Variants in ADAMTSL4 observed in about 807,000 individuals in gnomAD.
The protein encoded by ADAMTSL4 is ADAMTS like 4, also known as ADAMTS-like protein 4.
A neutral mutation model predicts 122.8 loss-of-function variants in ADAMTSL4; 97 were observed. That is an observed-to-expected ratio of 0.79 (90% CI 0.67 to 0.93). The LOEUF is 0.93. ADAMTSL4 is among the 40% of genes least tolerant of loss of function. The pLI is 0.00. For missense variants in ADAMTSL4, 1,408 were observed against 1,453.5 expected, an observed-to-expected ratio of 0.97 and a Z score of 0.51; for synonymous variants, 592 against 568.0, an observed-to-expected ratio of 1.04 and a Z score of -0.60.
Position 150,552,850 on chromosome 1 carries a change from A to T in ADAMTSL4, c.79-48A>T. On this transcript the variant is annotated intron_variant, in intron 4 of 18. Coordinates refer to ENST00000271643, the MANE Select transcript of ADAMTSL4 (RefSeq NM_019032.6). The surrounding 1 kb of genome is among the most constrained non-coding windows in gnomAD (Gnocchi z 4.0). The stretch of plus-strand genomic sequence containing the variant: ...GTTGGTCTACATGGACACTCTGGAC[A>T]GTTCCCTCTAATCCTTCCAATTCTG... The T allele has an allele frequency of 3.5e-6, 5 of 1,446,030 alleles. No homozygotes were observed. Among genetic ancestry groups the T allele is most frequent in the Non-Finnish European group, 3.9e-6 (4 of 1,033,760 alleles). 89.6% of individuals were successfully genotyped at this position (1,446,030 alleles called of 1,614,324 possible).
At position 150,556,001 on chromosome 1, in the gene ADAMTSL4, G is replaced by T. The variant is rs1440687033; in HGVS notation, c.1372-161G>T. The T allele has an allele frequency of 2.7e-6, 2 of 734,908 alleles. No individual in the cohort carries two copies. The highest frequency in any genetic ancestry group is 4.7e-6 in the Non-Finnish European group (2 of 425,766). The allele number at this position is 734,908 out of a possible 1,614,324, so 45.5% of individuals were successfully genotyped here. On this transcript the variant is annotated intron_variant, in intron 8 of 18. Coordinates refer to ENST00000271643, the MANE Select transcript of ADAMTSL4 (RefSeq NM_019032.6). The surrounding 1 kb of genome is among the most constrained non-coding windows in gnomAD (Gnocchi z 4.1). ...GCCTGAAGGATCTGATCGGGCACCT[G>T]TCCATGTCCCTGGGTCTGGCTGGGG...
rs1318676781 is a variant in ADAMTSL4 at position 150,554,470 on chromosome 1, G to A, written c.1234+3G>A. ...TCAGTGGGAGCCCTTCACTGAAGGT[G>A]AGGTTTCTTGCTCACCCCTGGGCAG... is the stretch of plus-strand genomic sequence containing the variant. On this transcript the variant is annotated splice_donor_region_variant and intron_variant, in intron 7 of 18. Coordinates refer to ENST00000271643, the MANE Select transcript of ADAMTSL4 (RefSeq NM_019032.6). This position sits in a 1 kb window ranked among gnomAD's most constrained non-coding sequence, Gnocchi z 4.0. The A allele has an allele frequency of 3.1e-6, 5 of 1,614,026 alleles. 1 individual carries two copies. The highest frequency in any genetic ancestry group is 4.2e-6 in the Non-Finnish European group (5 of 1,180,020).
chr1:150,553,687 C>T lies in ADAMTSL4; in HGVS notation c.696C>T (p.Ser232=). Residue 232 remains serine, a synonymous_variant, in exon 6 of 19, where the codon AGC becomes AGT. Coordinates refer to ENST00000271643, the MANE Select transcript of ADAMTSL4 (RefSeq NM_019032.6). ...CATCCCCCCAAGCAGAACCTCTAAG[C>T]CCTGAAACTGCTCAGACAGAGGTGG... ...HTPSPQAEPL[S]PETAQTEVAP... 1 of 1,613,166 alleles carries T rather than the reference C, an allele frequency of 6.2e-7. No individual in the cohort carries two copies. Among genetic ancestry groups the T allele is most frequent in the Non-Finnish European group, 8.5e-7 (1 of 1,179,698 alleles).
In ADAMTSL4 at chr1:150,554,539, T is replaced by A. The variant is rs765103386; in HGVS notation, c.1234+72T>A. 1.3e-5 allele frequency: 20 copies of A among 1,595,204 alleles called. No individual in the cohort carries two copies. In the South Asian group the frequency reaches 2.2e-4, roughly 18 times the overall value. ...GATGAAGGGGAGAGGAGATACCTGC[T>A]TACTCCCAGCCCTGAATGACTTCCA... On this transcript the variant is annotated intron_variant, in intron 7 of 18. Transcript: ENST00000271643. The surrounding 1 kb of genome is among the most constrained non-coding windows in gnomAD (Gnocchi z 4.0).
chr1:150,558,195 A>G lies in ADAMTSL4; in HGVS notation c.2382+46A>G, dbSNP rs752228951. On this transcript the variant is annotated intron_variant, in intron 14 of 18. Coordinates refer to ENST00000271643, the MANE Select transcript of ADAMTSL4 (RefSeq NM_019032.6). ...AGGTGCTGGGGAGGGGAATGGGCAC[A>G]GGTGAACAACAGCAGTGGTTTTTCA... The G allele has an allele frequency of 7.5e-6, 12 of 1,610,642 alleles. No homozygotes were observed. The African/African-American group carries it at 1.5e-4, about 20-fold the overall frequency.
At position 150,559,202 on chromosome 1, in the gene ADAMTSL4, C is replaced by G; in HGVS notation, c.2763+37C>G. On this transcript the variant is annotated intron_variant, in intron 16 of 18. Coordinates refer to ENST00000271643, the MANE Select transcript of ADAMTSL4 (RefSeq NM_019032.6). The surrounding 1 kb of genome is among the most constrained non-coding windows in gnomAD (Gnocchi z 4.1). ...GCCTGCTGAGAGCAGGAAGGGGGTG[C>G]CAGTCCCAGTGGGATTCCTTGTGGG... is the stretch of plus-strand genomic sequence containing the variant. 6.2e-7 allele frequency: 1 copy of G among 1,611,732 alleles called. No homozygotes were observed. Among genetic ancestry groups the G allele is most frequent in the South Asian group, 1.1e-5 (1 of 90,798 alleles).
Position 150,560,539 on chromosome 1 carries a change from T to C in ADAMTSL4, c.*343T>C. 8.1e-6 allele frequency: 3 copies of C among 370,570 alleles called. No individual in the cohort carries two copies. The allele number at this position is 370,570 out of a possible 1,614,324, so 23.0% of individuals were successfully genotyped here. On this transcript the variant is annotated 3_prime_UTR_variant, in exon 19 of 19. Coordinates refer to ENST00000271643, the MANE Select transcript of ADAMTSL4 (RefSeq NM_019032.6). ...TTTCCTAGGTGGAAAGGAAAGCAAG[T>C]CTGCAGTTCCTTGCTAATCTGAGCT... is the stretch of plus-strand genomic sequence containing the variant.
intron 14 of ADAMTSL4, 57 bp from the exon 15 acceptor site, chr1:150,558,416 A>C: frequency 3.1e-6 from 5 of 1,607,436 alleles, no homozygotes; most frequent in Non-Finnish European, 4.2e-6. Flanking sequence ...CTAGAGCTGG[A>C]AGCTGGCTGA....
chr1:150,557,842 C>CT lies in ADAMTSL4; in HGVS notation c.2178-102dup, dbSNP rs1160848948. 8.2e-5 allele frequency: 120 copies of CT among 1,469,800 alleles called. No homozygotes were observed. In the East Asian group the frequency reaches 2.9e-3, roughly 36 times the overall value. The allele number at this position is 1,469,800 out of a possible 1,614,324, so 91.0% of individuals were successfully genotyped here. A position where few individuals can be genotyped will look rare whatever the true frequency, so the allele number is the denominator to read the frequency against. ...AAACGCCAAACGTGCCCACTCTCCT[C>CT]TGAGGCCCCCACGTCCAGTGTGTCT... is the stretch of plus-strand genomic sequence containing the variant. On this transcript the variant is annotated intron_variant, in intron 13 of 18. Transcript: ENST00000271643.
chr1:150,556,174 G>A lies in ADAMTSL4; in HGVS notation c.1384G>A (p.Asp462Asn). The change falls in exon 9 of 19, where the codon GAT (aspartate) becomes AAT (asparagine). Residue 462 changes from aspartate (D) to asparagine (N), a missense_variant. Transcript: ENST00000271643. The surrounding 1 kb of genome is among the most constrained non-coding windows in gnomAD (Gnocchi z 4.1). ...VAGRCLSPGC[D>N]GILGSGRRPD... is the part of the protein sequence containing the mutation. ...TCACTCTCTCCAGAGCCCCGGCTGTGATGGGATCCTTGGCTCTGGCAGGCG... is the reference window on the plus strand; with the variant it reads ...TCACTCTCTCCAGAGCCCCGGCTGTAATGGGATCCTTGGCTCTGGCAGGCG... 6.2e-7 allele frequency: 1 copy of A among 1,614,166 alleles called. No homozygotes were observed. Among genetic ancestry groups the A allele is most frequent in the Non-Finnish European group, 8.5e-7 (1 of 1,180,028 alleles).
rs1560294762 is a variant in ADAMTSL4 at position 150,556,132 on chromosome 1, G to C, written c.1372-30G>C. On this transcript the variant is annotated intron_variant, in intron 8 of 18. Transcript: ENST00000271643. This position sits in a 1 kb window ranked among gnomAD's most constrained non-coding sequence, Gnocchi z 4.1. Reference sequence around the variant, plus strand: ...GGGTTGAGGTGGTGTCTGGCGTTCTGTGGCCACTGCCTCACCTCACTCTCT... The same window carrying C: ...GGGTTGAGGTGGTGTCTGGCGTTCTCTGGCCACTGCCTCACCTCACTCTCT... 1.9e-6 allele frequency: 3 copies of C among 1,612,724 alleles called. No homozygotes were observed. The highest frequency in any genetic ancestry group is 2.7e-5 in the African/African-American group (2 of 74,898).
Position 150,559,857 on chromosome 1 carries a change from C to T in ADAMTSL4, c.3040C>T (p.Pro1014Ser). 5 of 1,614,038 alleles carry T rather than the reference C, an allele frequency of 3.1e-6. No homozygotes were observed. Among genetic ancestry groups the T allele is most frequent in the Non-Finnish European group, 3.4e-6 (4 of 1,180,024 alleles). The change falls in exon 18 of 19, where the codon CCC becomes TCC. Residue 1014 changes from proline (P) to serine (S), a missense_variant. By Grantham distance (74) the Pro-to-Ser change is moderately conservative. Transcript: ENST00000271643. The surrounding 1 kb of genome is among the most constrained non-coding windows in gnomAD (Gnocchi z 4.1). The part of the protein sequence containing the change: ...LSTRCPPQLR[P>S]SRKRPCNSQP... ...CACCCGATGCCCTCCTCAACTGCGG[C>T]CCTCCAGGAAGCGCCCCTGTAACAG...
chr1:150,559,361 C>G lies in ADAMTSL4; in HGVS notation c.2838C>G (p.Asn946Lys), dbSNP rs370834300. The G allele has an allele frequency of 2.4e-5, 38 of 1,613,816 alleles. No homozygotes were observed. In the Middle Eastern group the frequency reaches 8.2e-4, roughly 35 times the overall value. ...ICVSKLGTEF[N>K]VTSPSNCSHL... ...TATCCAAACTGGGGACGGAGTTCAA[C>G]GTGACTTCTCCGAGCAACTGTTCTC... The change falls in exon 17 of 19, where the codon AAC becomes AAG. Residue 946 changes from asparagine to lysine, a missense_variant. Physicochemically the swap from Asn to Lys is moderately conservative, Grantham distance 94. Transcript: ENST00000271643. This position sits in a 1 kb window ranked among gnomAD's most constrained non-coding sequence, Gnocchi z 4.1.
In ADAMTSL4 at chr1:150,553,734, C is replaced by T. The variant is rs372604857; in HGVS notation, c.743C>T (p.Pro248Leu). ...GTGGCCCCCAGAACCAGGCCTGCCC[C>T]CCTACGGCATCACCCCAGAGCCCAG... Reference protein sequence around the residue: ...TEVAPRTRPAPLRHHPRAQAS... With the variant: ...TEVAPRTRPALLRHHPRAQAS... The change falls in exon 6 of 19, where the codon CCC becomes CTC. Residue 248 changes from proline to leucine, a missense_variant. Coordinates refer to ENST00000271643, the MANE Select transcript of ADAMTSL4 (RefSeq NM_019032.6). The T allele has an allele frequency of 1.3e-5, 21 of 1,613,508 alleles. No individual in the cohort carries two copies. Among genetic ancestry groups the T allele is most frequent in the Non-Finnish European group, 1.6e-5 (19 of 1,179,706 alleles).
In ADAMTSL4 at chr1:150,554,361, G is replaced by A. The variant is rs367543737; in HGVS notation, c.1132-4G>A. ...CTCTGACTCCTTTGTACCCCTCACC[G>A]CAGCCCTGCCCCCCTGAGCAGCCAG... On this transcript the variant is annotated splice_polypyrimidine_tract_variant and splice_region_variant and intron_variant, in intron 6 of 18. Transcript: ENST00000271643. This position sits in a 1 kb window ranked among gnomAD's most constrained non-coding sequence, Gnocchi z 4.0. 72 of 1,611,880 alleles carry A rather than the reference G, an allele frequency of 4.5e-5. No individual in the cohort carries two copies. The highest frequency in any genetic ancestry group is 5.7e-5 in the Non-Finnish European group (67 of 1,179,454).
rs948965155 is a variant in ADAMTSL4, at chr1:150,558,546, G to C, written c.2456G>C (p.Ser819Thr). Reference sequence around the variant, plus strand: ...GTTGGGAACAATGGTGATGAAGTGAGCGAGCAGGAGTGTGCGTCAGGCCCC... The same window carrying C: ...GTTGGGAACAATGGTGATGAAGTGACCGAGCAGGAGTGTGCGTCAGGCCCC... ...RCVGNNGDEV[S>T]EQECASGPPQ... Residue 819 changes from serine to threonine, a missense_variant, in exon 15 of 19, where the codon AGC becomes ACC. Transcript: ENST00000271643. 7 of 1,613,892 alleles carry C rather than the reference G, an allele frequency of 4.3e-6. No homozygotes were observed. Among genetic ancestry groups the C allele is most frequent in the Non-Finnish European group, 5.9e-6 (7 of 1,179,984 alleles).
At chr1:150,551,929 G>A (rs186779877) in intron 2 of ADAMTSL4, 3 of 302,050 alleles carry the variant, frequency 9.9e-6, no homozygotes, top group East Asian at 5.7e-5. Context: ...TGCCTGAGCC[G>A]GCTTAGAAAC....
Position 150,559,685 on chromosome 1 carries a change from A to G in ADAMTSL4, c.2944-76A>G. 6.2e-7 allele frequency: 1 copy of G among 1,607,640 alleles called. No homozygotes were observed. The highest frequency in any genetic ancestry group is 8.5e-7 in the Non-Finnish European group (1 of 1,176,808). ...GGGTCCCCACCACCACCTTTTGGGGAGAGAGGTGGCAGCCAGGGGTTAAGG... is the reference window on the plus strand; with the variant it reads ...GGGTCCCCACCACCACCTTTTGGGGGGAGAGGTGGCAGCCAGGGGTTAAGG... On this transcript the variant is annotated intron_variant, in intron 17 of 18. Coordinates refer to ENST00000271643, the MANE Select transcript of ADAMTSL4 (RefSeq NM_019032.6). This position sits in a 1 kb window ranked among gnomAD's most constrained non-coding sequence, Gnocchi z 4.1.
chr1:150,556,718 C>T lies in ADAMTSL4; in HGVS notation c.1674C>T (p.Asn558=). 1 of 1,614,032 alleles carries T rather than the reference C, an allele frequency of 6.2e-7. No individual in the cohort carries two copies. Among genetic ancestry groups the T allele is most frequent in the Non-Finnish European group, 8.5e-7 (1 of 1,179,996 alleles). Residue 558 remains asparagine (N), a synonymous_variant, in exon 10 of 19, where the codon AAC becomes AAT. Transcript: ENST00000271643. The surrounding 1 kb of genome is among the most constrained non-coding windows in gnomAD (Gnocchi z 4.1). ...CCGGCGGGACCGTCTTTCGATATAA[C>T]CGTCCTCCCAGGGAGGAGGGCAAAG... ...YRAGGTVFRY[N]RPPREEGKGE...
Sources: gnomAD v4.1 joint callset for allele counts on GRCh38, gnomAD v4.1.1 for gene constraint, Gnocchi (gnomAD v3.1) non-coding constraint, MANE v1.5 for transcripts, NCBI Gene and HGNC (gene_info 2026-07-23, HGNC 2026-07-21) for gene names.